The following WDR27 variants were observed in gnomAD, a reference collection of about 807,000 sequenced individuals.
The protein encoded by WDR27 is WD repeat-containing protein 27.
A neutral mutation model predicts 114.4 loss-of-function variants in WDR27; 100 were observed. That is an observed-to-expected ratio of 0.87 (90% CI 0.74 to 1.03). WDR27 has a LOEUF of 1.03. WDR27 is among the 50% of genes least tolerant of loss of function. WDR27 has a pLI of 0.00. For missense variants in WDR27, 1,129 were observed against 1,092.9 expected (o/e 1.03, Z -0.47); for synonymous variants, 449 against 423.1 (o/e 1.06, Z -0.75).
chr6:169,690,818 C>T (rs549714642), intron 1 of WDR27, among the ~76,000 whole-genome samples: 7 of 152,294 alleles, frequency 4.6e-5, no homozygotes, highest in African/African-American at 1.4e-4. Context: ...CTCTGTGCTG[C>T]GGGCGGGGCA....
At chr6:169,614,809 C>G (rs550901930) in intron 21 of WDR27, among the ~76,000 whole-genome samples, 2 of 152,168 alleles carry the variant, frequency 1.3e-5, no homozygotes, top group South Asian at 4.1e-4. Context: ...AGATCATCTA[C>G]TGAATGCTGG....
chr6:169,525,313 G>T (rs564956638), intron 25 of WDR27, among the ~76,000 whole-genome samples: 2 of 152,010 alleles, frequency 1.3e-5, no homozygotes, highest in African/African-American at 2.4e-5. Context: ...AAGACAGGCG[G>T]ATTGTGAGGT....
intron 25 of WDR27, among the ~76,000 whole-genome samples, chr6:169,506,925 A>G (rs907489898): frequency 2.0e-5 from 3 of 152,230 alleles, no homozygotes; most frequent in African/African-American, 7.2e-5. Context: ...GCTAAATGAT[A>G]TGGACTTTAA....
At chr6:169,512,719 C>G (rs998919557) in intron 25 of WDR27, among the ~76,000 whole-genome samples, 3 of 152,112 alleles carry the variant, frequency 2.0e-5, no homozygotes, top group African/African-American at 7.2e-5. Context: ...AGTTTTACCT[C>G]TTTAGATAGT....
At chr6:169,531,873 C>T (rs111849163) in intron 25 of WDR27, among the ~76,000 whole-genome samples, 6,370 of 152,180 alleles carry the variant, frequency 0.042, 364 homozygotes, top group African/African-American at 0.13. Context: ...ACGATGGTCT[C>T]AAACTCCTCG....
intron 25 of WDR27, among the ~76,000 whole-genome samples, chr6:169,536,622 T>C (rs1796223823): frequency 1.3e-5 from 2 of 152,256 alleles, no homozygotes; most frequent in East Asian, 3.9e-4. Context: ...ACAACAAATA[T>C]TCACCAAATG....
intron 22 of WDR27, among the ~76,000 whole-genome samples, chr6:169,602,725 T>G (rs1255633800): frequency 6.6e-6 from 1 of 152,144 alleles, no homozygotes; most frequent in Non-Finnish European, 1.5e-5. Flanking sequence ...CACAACTATT[T>G]AAAAAGTGCC....
At chr6:169,648,839 G>A (rs111341604) in intron 15 of WDR27, among the ~76,000 whole-genome samples, 4,348 of 152,290 alleles carry the variant, frequency 0.029, 152 homozygotes, top group African/African-American at 0.085. Flanking sequence ...CCAATGGCGT[G>A]GGCCACGCCC....
At chr6:169,441,570 C>T in the WDR27 span, among the ~76,000 whole-genome samples, 1 of 152,192 alleles carries the variant, frequency 6.6e-6, no homozygotes, top group African/African-American at 2.4e-5. Flanking sequence ...CACCAGCCAG[C>T]TGCCAGGTCA....
intron 25 of WDR27, among the ~76,000 whole-genome samples, chr6:169,484,759 C>G (rs1263004809): frequency 1.3e-5 from 2 of 152,164 alleles, no homozygotes; most frequent in African/African-American, 4.8e-5. Flanking sequence ...ATCTTATTAC[C>G]TAACTTCAAA....
At chr6:169,663,351 A>G (rs1218505837) in intron 8 of WDR27, among the ~76,000 whole-genome samples, 1 of 150,532 alleles carries the variant, frequency 6.6e-6, no homozygotes, top group African/African-American at 2.5e-5. Context: ...GTTTAAAGTC[A>G]TCTACAAAAA....
intron 23 of WDR27, among the ~76,000 whole-genome samples, chr6:169,583,167 T>G (rs1259359871): frequency 6.6e-6 from 1 of 152,108 alleles, no homozygotes; most frequent in Non-Finnish European, 1.5e-5. Context: ...TATGTCATAC[T>G]TTCTATTTAC....
intron 22 of WDR27, among the ~76,000 whole-genome samples, chr6:169,612,825 T>G (rs925978275): frequency 6.6e-6 from 1 of 152,162 alleles, no homozygotes; most frequent in Non-Finnish European, 1.5e-5. Flanking sequence ...ACCAGCAATG[T>G]GATATGGTCA....
intron 25 of WDR27, among the ~76,000 whole-genome samples, chr6:169,515,236 C>G (rs1793485474): frequency 6.6e-6 from 1 of 151,802 alleles, no homozygotes; most frequent in South Asian, 2.1e-4. Context: ...GTGTGTGCAG[C>G]AAAAGAAATG....
the WDR27 span, among the ~76,000 whole-genome samples, chr6:169,443,384 T>C: frequency 6.6e-6 from 1 of 152,138 alleles, no homozygotes; most frequent in Non-Finnish European, 1.5e-5. Context: ...TTCGCTTTGA[T>C]AGGCATGTTT....
intron 25 of WDR27, among the ~76,000 whole-genome samples, chr6:169,492,522 GT>G (rs1179860755): frequency 1.2e-4 from 18 of 152,182 alleles, no homozygotes; most frequent in African/African-American, 4.1e-4. Flanking sequence ...TTTTTAAAGT[GT>G]TTATAATAAC....
chr6:169,641,410 C>CG (rs1322679964), intron 17 of WDR27, among the ~76,000 whole-genome samples: 1 of 152,182 alleles, frequency 6.6e-6, no homozygotes, highest in Non-Finnish European at 1.5e-5. Flanking sequence ...CCTCACGGTA[C>CG]GGAAGGCCTC....
chr6:169,487,342 T>C (rs763407353), intron 25 of WDR27, among the ~76,000 whole-genome samples: 3 of 152,240 alleles, frequency 2.0e-5, no homozygotes, highest in Non-Finnish European at 4.4e-5. Context: ...ATGTCATTAA[T>C]AGCACCAGAA....
chr6:169,642,460 A>G (rs901822906), intron 17 of WDR27, among the ~76,000 whole-genome samples: 1 of 152,190 alleles, frequency 6.6e-6, no homozygotes, highest in African/African-American at 2.4e-5. Flanking sequence ...CTATTCAGCC[A>G]CGAAAGAGGC....
Sources: gnomAD v4.1 joint callset for allele counts (sites outside exome capture counted in the v4.1 genomes callset) on GRCh38, gnomAD v4.1.1 for gene constraint, MANE v1.5 for transcripts, NCBI Gene and HGNC (gene_info 2026-07-23, HGNC 2026-07-21) for gene names.